ATF7IP2: variants seen among roughly 807,000 people sequenced by gnomAD.
ATF7IP2 encodes the protein activating transcription factor 7 interacting protein 2.
A neutral mutation model predicts 64.2 loss-of-function variants in ATF7IP2; 42 were observed. The observed-to-expected ratio is 0.65, with a 90% confidence interval of 0.51 to 0.85. The LOEUF (loss-of-function observed/expected upper bound fraction) is 0.85, where lower values mean the gene tolerates loss of function less well. ATF7IP2 is among the 40% of genes least tolerant of loss of function. The probability of loss-of-function intolerance (pLI) is 0.00; values close to 1 mark genes in which losing one functional copy is unlikely to be tolerated. For missense variants in ATF7IP2, 933 were observed against 784.2 expected (o/e 1.19, Z -2.27); for synonymous variants, 308 against 272.8 (o/e 1.13, Z -1.27).
At chr16:10,461,391 T>C (rs1436245655) in intron 9 of ATF7IP2, among the ~76,000 whole-genome samples, 1 of 152,066 alleles carries the variant, frequency 6.6e-6, no homozygotes, top group Admixed American at 6.5e-5. Flanking sequence ...CCATAGAATA[T>C]ATGTTTAGGA....
At chr16:10,440,190 G>T (rs1320186800) in intron 7 of ATF7IP2, among the ~76,000 whole-genome samples, 174 bp from the exon 8 acceptor site, 1 of 145,458 alleles carries the variant, frequency 6.9e-6, no homozygotes, top group Non-Finnish European at 1.6e-5. Context: ...TTATATATAT[G>T]TATATGTTAT....
intron 8 of ATF7IP2, chr16:10,445,437 A>G (rs548360315): frequency 1.3e-5 from 2 of 152,310 alleles, no homozygotes; most frequent in East Asian, 1.9e-4. Context: ...TTGACTTTCA[A>G]AAGAAAGGCT....
intron 9 of ATF7IP2, among the ~76,000 whole-genome samples, chr16:10,464,771 GA>G (rs750328861): frequency 6.6e-6 from 1 of 152,214 alleles, no homozygotes; most frequent in Non-Finnish European, 1.5e-5. Context: ...AGTATCTTAA[GA>G]AAGTTACTAC....
chr16:10,427,978 C>T (rs1006648348), intron 3 of ATF7IP2, among the ~76,000 whole-genome samples: 5 of 151,944 alleles, frequency 3.3e-5, no homozygotes, highest in African/African-American at 4.8e-5. Context: ...TATTGCTATA[C>T]GTAAGCACAT....
At chr16:10,393,138 C>A (rs1242196264) in intron 1 of ATF7IP2, among the ~76,000 whole-genome samples, 36 of 151,718 alleles carry the variant, frequency 2.4e-4, no homozygotes, top group Admixed American at 2.4e-3. Context: ...GGTGAAACCC[C>A]CTCTCTACTA....
intron 8 of ATF7IP2, among the ~76,000 whole-genome samples, chr16:10,454,702 A>C (rs554887350): frequency 3.3e-5 from 5 of 152,174 alleles, no homozygotes; most frequent in African/African-American, 1.2e-4. Context: ...TCTAAGTATC[A>C]CTTATTCTAA....
At chr16:10,438,942 A>G (rs112298668) in intron 7 of ATF7IP2, among the ~76,000 whole-genome samples, 1 of 151,182 alleles carries the variant, frequency 6.6e-6, no homozygotes, top group Admixed American at 6.6e-5. Context: ...AGTCCCAGCT[A>G]CTCAGGAGGC....
At chr16:10,435,444 T>A (rs1292565528) in intron 6 of ATF7IP2, among the ~76,000 whole-genome samples, 1 of 152,238 alleles carries the variant, frequency 6.6e-6, no homozygotes, top group East Asian at 1.9e-4. Flanking sequence ...CCATCTCCAC[T>A]TTGAAGCCAG....
intron 9 of ATF7IP2, 122 bp downstream of exon 9, chr16:10,457,651 A>G (rs1567163017): frequency 3.8e-6 from 3 of 798,622 alleles, no homozygotes; most frequent in Non-Finnish European, 3.7e-6. Context: ...AAAATGTCCT[A>G]TAGTTTTACT....
chr16:10,439,313 T>C (rs1375241420), intron 7 of ATF7IP2, among the ~76,000 whole-genome samples: 1 of 151,802 alleles, frequency 6.6e-6, no homozygotes, highest in Non-Finnish European at 1.5e-5. Flanking sequence ...CACTGCAAGC[T>C]CTGCCTCAGG....
intron 3 of ATF7IP2, among the ~76,000 whole-genome samples, chr16:10,426,892 G>A (rs1020937067): frequency 6.6e-6 from 1 of 151,740 alleles, no homozygotes; most frequent in Non-Finnish European, 1.5e-5. Flanking sequence ...CCACTCTGTT[G>A]TCCAGGCTGA....
intron 6 of ATF7IP2, among the ~76,000 whole-genome samples, chr16:10,436,265 G>A (rs937470111): frequency 6.6e-6 from 1 of 152,190 alleles, no homozygotes; most frequent in Non-Finnish European, 1.5e-5. Flanking sequence ...GGAAGGCTGA[G>A]GCAGGAAAAT....
intron 12 of ATF7IP2, among the ~76,000 whole-genome samples, chr16:10,476,461 A>T (rs1300477651): frequency 6.6e-6 from 1 of 151,580 alleles, no homozygotes; most frequent in Non-Finnish European, 1.5e-5. Flanking sequence ...TTTCTTAACC[A>T]TCCCTGTATT....
intron 3 of ATF7IP2, among the ~76,000 whole-genome samples, chr16:10,425,617 G>A (rs1345286067): frequency 2.0e-5 from 3 of 152,048 alleles, no homozygotes; most frequent in African/African-American, 7.2e-5. Flanking sequence ...AAGTAGGCCG[G>A]GTGTGGTGGC....
intron 3 of ATF7IP2, among the ~76,000 whole-genome samples, chr16:10,427,261 A>G (rs1440925801): frequency 6.6e-6 from 1 of 152,236 alleles, no homozygotes; most frequent in Non-Finnish European, 1.5e-5. Context: ...ACAAGTAAAC[A>G]TAGCTAATAA....
chr16:10,437,824 G>A (rs1017685796), intron 6 of ATF7IP2, among the ~76,000 whole-genome samples: 14 of 152,124 alleles, frequency 9.2e-5, no homozygotes, highest in African/African-American at 3.4e-4. Context: ...TGTATAGTAT[G>A]GAATTCAAGT....
chr16:10,464,852 G>A (rs573151675), intron 9 of ATF7IP2, among the ~76,000 whole-genome samples: 5 of 152,274 alleles, frequency 3.3e-5, no homozygotes, highest in South Asian at 4.1e-4. Context: ...TTTGGAAGAC[G>A]GAGTTTCGCT....
chr16:10,466,650 C>G (rs2049584489), intron 9 of ATF7IP2, among the ~76,000 whole-genome samples: 1 of 152,080 alleles, frequency 6.6e-6, no homozygotes, highest in Non-Finnish European at 1.5e-5. Context: ...ATTTGGATAT[C>G]TTCTTTTATG....
intron 1 of ATF7IP2, among the ~76,000 whole-genome samples, chr16:10,410,583 G>A (rs2047739530): frequency 6.6e-6 from 1 of 152,228 alleles, no homozygotes; most frequent in Non-Finnish European, 1.5e-5. Context: ...CACAGTGACA[G>A]TTTGACTTCC....
Sources: allele counts gnomAD v4.1 joint callset (sites outside exome capture counted in the v4.1 genomes callset), GRCh38; gene constraint gnomAD v4.1.1; transcripts MANE v1.5; gene names NCBI Gene and HGNC (gene_info 2026-07-23, HGNC 2026-07-21).